RAB3B: variants seen among roughly 807,000 people sequenced by gnomAD.
The protein encoded by RAB3B is RAB3B, member RAS oncogene family.
A neutral mutation model predicts 20.5 loss-of-function variants in RAB3B; 11 were observed. The ratio of observed to expected loss-of-function variants is 0.54; its 90% CI spans 0.34 to 0.89. The LOEUF is 0.89. Ranked by LOEUF, RAB3B falls within the 40% of genes least tolerant of loss-of-function variation. RAB3B has a pLI of 0.02. For missense variants in RAB3B, 225 were observed against 280.9 expected (o/e 0.80, Z 1.42); for synonymous variants, 99 against 106.3 (o/e 0.93, Z 0.42).
At chr1:51,953,953 A>G (rs902493894) in intron 2 of RAB3B, among the ~76,000 whole-genome samples, 1 of 152,260 alleles carries the variant, frequency 6.6e-6, no homozygotes, top group Non-Finnish European at 1.5e-5. Flanking sequence ...AGTGTTCACA[A>G]AGGTAAAGTA....
At chr1:51,920,228 A>C in intron 4 of RAB3B, 114 bp from the exon 5 acceptor site, 2 of 913,818 alleles carry the variant, frequency 2.2e-6, no homozygotes, top group South Asian at 2.1e-5. Context: ...GCAGTGAAGC[A>C]AAGAGGCTAA....
Position 51,977,054 on chromosome 1 carries a change from T to C in RAB3B, c.64A>G (p.Met22Val). Residue 22 changes from methionine to valine, a missense_variant, in exon 2 of 5, where the codon ATG becomes GTG. Met to Val is a conservative substitution (Grantham distance 21). Coordinates refer to ENST00000371655, the MANE Select transcript of RAB3B (RefSeq NM_002867.4). The stretch of plus-strand genomic sequence containing the variant: ...TTGCCAATGATAAGCAGTTTAAACA[T>C]GTAGTCAAAATTCTGGTCAGAGGCA... ...KDASDQNFDY[M>V]FKLLIIGNSS... The C allele has an allele frequency of 6.2e-7, 1 of 1,614,210 alleles. No homozygotes were observed. The highest frequency in any genetic ancestry group is 1.3e-5 in the African/African-American group (1 of 75,056).
In RAB3B at chr1:51,915,609, G is replaced by C. The variant is rs1684073357; in HGVS notation, c.*4318C>G. 6.6e-6 allele frequency: 1 copy of C among 152,186 alleles called. No homozygotes were observed. Among genetic ancestry groups the C allele is most frequent in the African/African-American group, 2.4e-5 (1 of 41,450 alleles). 9.4% of individuals were successfully genotyped at this position (152,186 alleles called of 1,614,324 possible). ...TACAGATACACATGCATTTAAAATA[G>C]ATGTAAATAAACACAATACTGTATT... On this transcript the variant is annotated 3_prime_UTR_variant, in exon 5 of 5. Transcript: ENST00000371655.
At position 51,916,337 on chromosome 1, in the gene RAB3B, T is replaced by G. The variant is rs1684084494; in HGVS notation, c.*3590A>C. 1 of 152,218 alleles carries G rather than the reference T, an allele frequency of 6.6e-6. No individual in the cohort carries two copies. Among genetic ancestry groups the G allele is most frequent in the African/African-American group, 2.4e-5 (1 of 41,450 alleles). The allele number at this position is 152,218 out of a possible 1,614,324, so 9.4% of individuals were successfully genotyped here. A position where few individuals can be genotyped will look rare whatever the true frequency, so the allele number is the denominator to read the frequency against. ...TGAGTTTTACAGAATTTGACAGTTT[T>G]AAAGAAAACGATTTCATCTTTGCCT... On this transcript the variant is annotated 3_prime_UTR_variant, in exon 5 of 5. Coordinates refer to ENST00000371655, the MANE Select transcript of RAB3B (RefSeq NM_002867.4).
At chr1:51,964,242 T>C (rs1684818018) in intron 2 of RAB3B, among the ~76,000 whole-genome samples, 1 of 152,196 alleles carries the variant, frequency 6.6e-6, no homozygotes, top group Admixed American at 6.5e-5. Context: ...CCCATATTCA[T>C]AACCTAGCAG....
chr1:51,946,984 A>T (rs1488144532), intron 2 of RAB3B, among the ~76,000 whole-genome samples: 2 of 152,184 alleles, frequency 1.3e-5, no homozygotes, highest in African/African-American at 4.8e-5. Context: ...CATTTCTCTT[A>T]ATTGTTATAT....
At chr1:51,923,256 G>T (rs1684197664) in intron 4 of RAB3B, among the ~76,000 whole-genome samples, 1 of 152,146 alleles carries the variant, frequency 6.6e-6, no homozygotes, top group Non-Finnish European at 1.5e-5. Flanking sequence ...TATCCCTTAT[G>T]CCTCCTTGTC....
intron 2 of RAB3B, among the ~76,000 whole-genome samples, chr1:51,971,463 C>A (rs1571977191): frequency 6.8e-6 from 1 of 148,136 alleles, no homozygotes; most frequent in African/African-American, 2.5e-5. Flanking sequence ...GATGGAGTCT[C>A]GCTCTGTCGC....
chr1:51,978,158 G>A (rs1479879771), intron 1 of RAB3B, among the ~76,000 whole-genome samples: 1 of 152,162 alleles, frequency 6.6e-6, no homozygotes, highest in Non-Finnish European at 1.5e-5. Context: ...CAGCACTGTT[G>A]GAATGAGCAT....
intron 2 of RAB3B, among the ~76,000 whole-genome samples, chr1:51,968,065 T>C (rs1301428851): frequency 6.6e-6 from 1 of 152,040 alleles, no homozygotes; most frequent in Non-Finnish European, 1.5e-5. Context: ...CACTGCAGCT[T>C]TGAAGATGGA....
At chr1:51,922,653 G>C (rs1684187733) in intron 4 of RAB3B, among the ~76,000 whole-genome samples, 1 of 151,730 alleles carries the variant, frequency 6.6e-6, no homozygotes, top group Non-Finnish European at 1.5e-5. Flanking sequence ...TCATCACTTA[G>C]GGTCAATCAA....
At chr1:51,967,748 T>C (rs536094400) in intron 2 of RAB3B, among the ~76,000 whole-genome samples, 133 of 151,958 alleles carry the variant, frequency 8.8e-4, no homozygotes, top group African/African-American at 3.1e-3. Flanking sequence ...ACTCCTGAGC[T>C]CAAGTGATCC....
intron 3 of RAB3B, 83 bp downstream of exon 3, chr1:51,937,211 C>A: frequency 9.1e-7 from 1 of 1,095,964 alleles, no homozygotes; most frequent in Non-Finnish European, 1.4e-6. Flanking sequence ...TCTGGGCTTC[C>A]CCAGCACACA....
intron 1 of RAB3B, among the ~76,000 whole-genome samples, chr1:51,986,499 G>A (rs927163148): frequency 6.6e-6 from 1 of 152,068 alleles, no homozygotes; most frequent in African/African-American, 2.4e-5. Context: ...TGTAGTCCTC[G>A]GTACTTGGGA....
chr1:51,977,296 T>C (rs1324565687), intron 1 of RAB3B, among the ~76,000 whole-genome samples, 179 bp from the exon 2 acceptor site: 6 of 152,218 alleles, frequency 3.9e-5, no homozygotes, highest in Non-Finnish European at 5.9e-5. Context: ...GTCTCAGCAC[T>C]GAGGTGGAAC....
At chr1:51,962,624 T>A (rs1003465391) in intron 2 of RAB3B, among the ~76,000 whole-genome samples, 1 of 152,358 alleles carries the variant, frequency 6.6e-6, no homozygotes, top group Non-Finnish European at 1.5e-5. Context: ...CCAATTGCCA[T>A]ATAGCTCAGT....
At position 51,917,420 on chromosome 1, in the gene RAB3B, A is replaced by G. The variant is rs1390540152; in HGVS notation, c.*2507T>C. ...AAATCAAGACTCAAAAGTGGAAAGT[A>G]ACTGGCCCAGAGTCACAGTTGATTT... On this transcript the variant is annotated 3_prime_UTR_variant, in exon 5 of 5. Coordinates refer to ENST00000371655, the MANE Select transcript of RAB3B (RefSeq NM_002867.4). 1.3e-5 allele frequency: 2 copies of G among 152,186 alleles called. No individual in the cohort carries two copies. Among genetic ancestry groups the G allele is most frequent in the Non-Finnish European group, 1.5e-5 (1 of 68,028 alleles). The allele number at this position is 152,186 out of a possible 1,614,324, so 9.4% of individuals were successfully genotyped here. A position where few individuals can be genotyped will look rare whatever the true frequency, so the allele number is the denominator to read the frequency against.
intron 4 of RAB3B, among the ~76,000 whole-genome samples, chr1:51,932,973 C>G (rs1196114684): frequency 6.6e-6 from 1 of 151,980 alleles, no homozygotes; most frequent in African/African-American, 2.4e-5. Flanking sequence ...TTCTCACTTA[C>G]TTATTTATTT....
chr1:51,931,472 T>C (rs762539902), intron 4 of RAB3B, among the ~76,000 whole-genome samples: 1 of 152,170 alleles, frequency 6.6e-6, no homozygotes, highest in Non-Finnish European at 1.5e-5. Context: ...GCTCAGGGCC[T>C]AGAACAGAGT....
Sources: gnomAD v4.1 joint callset for allele counts (sites outside exome capture counted in the v4.1 genomes callset) on GRCh38, gnomAD v4.1.1 for gene constraint, MANE v1.5 for transcripts, NCBI Gene and HGNC (gene_info 2026-07-23, HGNC 2026-07-21) for gene names.